Variants in CHST11 observed in about 807,000 individuals in gnomAD.
The protein encoded by CHST11 is carbohydrate sulfotransferase 11.
CHST11 carries 9 observed loss-of-function variants against 30.4 expected under a neutral mutation model. The observed-to-expected ratio is 0.30, with a 90% confidence interval of 0.18 to 0.52. CHST11 has a LOEUF of 0.52. CHST11 is among the 20% of genes least tolerant of loss of function. The pLI is 0.97. For synonymous variants in CHST11, 152 were observed against 187.8 expected, an observed-to-expected ratio of 0.81 and a Z score of 1.56; for missense variants, 348 against 460.6, an observed-to-expected ratio of 0.76 and a Z score of 2.24.
chr12:104,579,050 A>G (rs1291983563), intron 1 of CHST11, among the ~76,000 whole-genome samples: 3 of 152,238 alleles, frequency 2.0e-5, no homozygotes. Context: ...GAAGGTGCCC[A>G]GGTACTTATC....
intron 2 of CHST11, among the ~76,000 whole-genome samples, chr12:104,753,898 G>A (rs529476238): frequency 4.6e-5 from 7 of 152,210 alleles, no homozygotes; most frequent in Non-Finnish European, 8.8e-5. Context: ...ACAAGGCATC[G>A]GAGTGAGGAT....
intron 2 of CHST11, among the ~76,000 whole-genome samples, chr12:104,630,299 C>T (rs1286572708): frequency 1.3e-5 from 2 of 152,202 alleles, no homozygotes; most frequent in African/African-American, 4.8e-5. Flanking sequence ...GGGGAAGTTG[C>T]TTAACTTCTG....
intron 2 of CHST11, among the ~76,000 whole-genome samples, chr12:104,633,308 A>G (rs1433760845): frequency 2.6e-5 from 4 of 152,000 alleles, no homozygotes; most frequent in Non-Finnish European, 5.9e-5. Context: ...GAAGGCACAC[A>G]TTATTCTATG....
intron 2 of CHST11, among the ~76,000 whole-genome samples, chr12:104,750,405 GTA>G: frequency 1.1e-5 from 1 of 90,734 alleles, no homozygotes; most frequent in African/African-American, 4.1e-5. Context: ...TTGTAGTTGT[GTA>G]CCTGGTTTTA....
intron 1 of CHST11, among the ~76,000 whole-genome samples, chr12:104,465,290 T>G (rs1490273125): frequency 6.6e-6 from 1 of 152,230 alleles, no homozygotes; most frequent in Non-Finnish European, 1.5e-5. Flanking sequence ...TGCCTGGCAC[T>G]TATTTTCAGA....
At chr12:104,563,533 A>C (rs2038533926) in intron 1 of CHST11, among the ~76,000 whole-genome samples, 1 of 152,158 alleles carries the variant, frequency 6.6e-6, no homozygotes, top group Non-Finnish European at 1.5e-5. Context: ...TCAGCTTAAA[A>C]ACTTTTTTGT....
chr12:104,692,780 G>A (rs1474999000), intron 2 of CHST11, among the ~76,000 whole-genome samples: 2 of 152,106 alleles, frequency 1.3e-5, no homozygotes, highest in African/African-American at 2.4e-5. Context: ...CAAGGATCTA[G>A]GTTGCATGCT....
chr12:104,548,061 G>A (rs1355740271), intron 1 of CHST11, among the ~76,000 whole-genome samples: 2 of 152,146 alleles, frequency 1.3e-5, no homozygotes, highest in African/African-American at 2.4e-5. Flanking sequence ...CTGATGGCTG[G>A]GCCTTCTGTT....
chr12:104,576,686 C>G (rs928713369), intron 1 of CHST11, among the ~76,000 whole-genome samples: 1 of 152,158 alleles, frequency 6.6e-6, no homozygotes, highest in Admixed American at 6.5e-5. Flanking sequence ...CCACCCACTT[C>G]CATTTAGCCA....
intron 2 of CHST11, among the ~76,000 whole-genome samples, chr12:104,613,560 G>A (rs560976969): frequency 6.6e-6 from 1 of 152,298 alleles, no homozygotes; most frequent in East Asian, 1.9e-4. Flanking sequence ...GTTTGAAAGT[G>A]TGTAGCACCT....
intron 2 of CHST11, among the ~76,000 whole-genome samples, chr12:104,690,914 C>G (rs1327636457): frequency 6.6e-6 from 1 of 152,210 alleles, no homozygotes; most frequent in African/African-American, 2.4e-5. Flanking sequence ...AGGATTTTCA[C>G]AAGTGCAGCT....
chr12:104,554,723 C>A (rs897550423), intron 1 of CHST11, among the ~76,000 whole-genome samples: 3 of 152,220 alleles, frequency 2.0e-5, no homozygotes, highest in Admixed American at 6.5e-5. Flanking sequence ...GATTTTCTTT[C>A]TTTCAACAGA....
chr12:104,687,943 A>C (rs2039864055), intron 2 of CHST11, among the ~76,000 whole-genome samples: 2 of 152,154 alleles, frequency 1.3e-5, no homozygotes, highest in Non-Finnish European at 2.9e-5. Flanking sequence ...GGCGGTTGTT[A>C]TTCTGTGTTT....
At chr12:104,610,041 CTCTGTGTGTGTGTGTGTGTGTGTG>C (rs1279368270) in intron 2 of CHST11, among the ~76,000 whole-genome samples, 2 of 120,536 alleles carry the variant, frequency 1.7e-5, no homozygotes, top group East Asian at 4.6e-4. Context: ...CCATGAGTGC[CTCTGTGTGTGTGTGTGTGTGTGTG>C]TGTGTGTGTG....
At position 104,548,711 on chromosome 12, in the gene CHST11, T is replaced by A. The variant is rs536129963; in HGVS notation, c.119-53195T>A. On this transcript the variant is annotated intron_variant, in intron 1 of 2. Coordinates refer to ENST00000303694, the MANE Select transcript of CHST11 (RefSeq NM_018413.6). Reference sequence around the variant, plus strand: ...GCAAGAAAAGTTTGGCAAAGGAAAGTGGAAGTGTTATGTCTTGCTTGGGCC... The same window carrying A: ...GCAAGAAAAGTTTGGCAAAGGAAAGAGGAAGTGTTATGTCTTGCTTGGGCC... Among the ~76,000 whole-genome samples the A allele has an allele frequency of 3.9e-5, 6 of 152,272 alleles. No homozygotes were observed. In the East Asian group the frequency reaches 9.7e-4, roughly 24 times the overall value.
rs937970024 is a variant in CHST11 at position 104,600,808 on chromosome 12, A to G, written c.119-1098A>G. ...TCAAACCATAAGAAAACTGCCTCGTACTTGAGAAGAAAGCCCCATTTATTC... is the reference window on the plus strand; with the variant it reads ...TCAAACCATAAGAAAACTGCCTCGTGCTTGAGAAGAAAGCCCCATTTATTC... On this transcript the variant is annotated intron_variant, in intron 1 of 2. Coordinates refer to ENST00000303694, the MANE Select transcript of CHST11 (RefSeq NM_018413.6). The surrounding 1 kb of genome is among the most constrained non-coding windows in gnomAD (Gnocchi z 4.1). Among the ~76,000 whole-genome samples, 3 of 152,114 alleles carry G rather than the reference A, an allele frequency of 2.0e-5. No individual in the cohort carries two copies. The highest frequency in any genetic ancestry group is 2.0e-4 in the Admixed American group (3 of 15,282).
intron 2 of CHST11, among the ~76,000 whole-genome samples, chr12:104,712,419 G>A (rs938913818): frequency 2.6e-5 from 4 of 152,050 alleles, no homozygotes; most frequent in African/African-American, 9.7e-5. Context: ...CACAGCAGCC[G>A]CCCCTTCTTG....
chr12:104,514,368 G>A, intron 1 of CHST11: 1 of 941,488 alleles, frequency 1.1e-6, no homozygotes, highest in South Asian at 1.3e-5. Context: ...TGCCATTCTG[G>A]GCTTTGCCCT....
chr12:104,504,297 C>G (rs958878427), intron 1 of CHST11, among the ~76,000 whole-genome samples: 2 of 152,186 alleles, frequency 1.3e-5, no homozygotes, highest in Non-Finnish European at 2.9e-5. Context: ...CCAGCTTGGT[C>G]GAGCTGTGTT....
Sources: allele counts gnomAD v4.1 joint callset (sites outside exome capture counted in the v4.1 genomes callset), GRCh38; gene constraint gnomAD v4.1.1; non-coding constraint Gnocchi (gnomAD v3.1); transcripts MANE v1.5; gene names NCBI Gene and HGNC (gene_info 2026-07-23, HGNC 2026-07-21).